SYT1: variants seen among roughly 807,000 people sequenced by gnomAD.
SYT1 encodes synaptotagmin-1.
A neutral mutation model predicts 44.8 loss-of-function variants in SYT1; 8 were observed. The ratio of observed to expected loss-of-function variants is 0.18; its 90% CI spans 0.10 to 0.32. SYT1 has a LOEUF of 0.32. Ranked by LOEUF, SYT1 falls within the 10% of genes least tolerant of loss-of-function variation. The pLI, the probability that SYT1 is intolerant of heterozygous loss-of-function variation, is 1.00. For missense variants in SYT1, 286 were observed against 509.3 expected (o/e 0.56, Z 4.22); for synonymous variants, 154 against 188.8 (o/e 0.82, Z 1.51).
chr12:79,094,258 TCA>T (rs1274648192), intron 3 of SYT1, among the ~76,000 whole-genome samples: 2 of 151,812 alleles, frequency 1.3e-5, no homozygotes, highest in Non-Finnish European at 2.9e-5. Flanking sequence ...AAGTTTTATC[TCA>T]CTTACATCTA....
chr12:79,195,482 A>G (rs1227759713), intron 3 of SYT1, among the ~76,000 whole-genome samples: 2 of 148,582 alleles, frequency 1.3e-5, no homozygotes, highest in African/African-American at 5.0e-5. Flanking sequence ...GCACAATCAT[A>G]TATTTGAAAA....
At chr12:79,367,312 C>G (rs544261547) in intron 9 of SYT1, among the ~76,000 whole-genome samples, 29 of 152,216 alleles carry the variant, frequency 1.9e-4, no homozygotes, top group South Asian at 1.5e-3. Context: ...TAAAATGAAC[C>G]ACCGCAAGTT....
intron 4 of SYT1, among the ~76,000 whole-genome samples, chr12:79,263,536 A>G (rs1193975925): frequency 1.3e-5 from 2 of 152,014 alleles, no homozygotes; most frequent in East Asian, 1.9e-4. Context: ...AAAAATTTTG[A>G]TTTAAGAAGC....
chr12:78,940,824 CAGT>C (rs1227358906), intron 1 of SYT1, among the ~76,000 whole-genome samples: 1 of 152,048 alleles, frequency 6.6e-6, no homozygotes, highest in African/African-American at 2.4e-5. Context: ...TTTTGTAAAT[CAGT>C]AGAATTCAAC....
rs1160883688 is a variant in SYT1, at chr12:78,966,108, G to A, written c.-216-11691G>A. 4.6e-5 allele frequency among the ~76,000 whole-genome samples: 7 copies of A among 150,992 alleles called. No individual in the cohort carries two copies. The East Asian group carries it at 7.8e-4, about 17-fold the overall frequency. ...AAAAAAAAAAAATTATTGAATAAAC[G>A]AATATAATTGACTTTTATTAATTCA... On this transcript the variant is annotated intron_variant, in intron 1 of 10. Transcript: ENST00000261205.
At chr12:79,394,305 G>T (rs1248443149) in intron 9 of SYT1, among the ~76,000 whole-genome samples, 1 of 152,206 alleles carries the variant, frequency 6.6e-6, no homozygotes, top group East Asian at 1.9e-4. Flanking sequence ...TACCAAAGCA[G>T]TTGTTAAAAT....
chr12:79,399,062 A>G (rs1472432175), intron 9 of SYT1, among the ~76,000 whole-genome samples: 1 of 152,358 alleles, frequency 6.6e-6, no homozygotes, highest in East Asian at 1.9e-4. Flanking sequence ...GACAACATTA[A>G]TACATAGTCC....
chr12:79,350,246 CT>C (rs1166413638), intron 8 of SYT1, among the ~76,000 whole-genome samples: 2,589 of 97,566 alleles, frequency 0.027, 10 homozygotes, highest in Middle Eastern at 0.047. Flanking sequence ...GATGCATATT[CT>C]TTTTTTTTTT....
chr12:79,374,056 G>A (rs1286192113), intron 9 of SYT1, among the ~76,000 whole-genome samples: 3 of 152,046 alleles, frequency 2.0e-5, no homozygotes. Flanking sequence ...TAAAGTGCAG[G>A]CCCCTCTGGC....
chr12:79,258,805 G>A (rs1333715322), intron 4 of SYT1, among the ~76,000 whole-genome samples: 1 of 151,932 alleles, frequency 6.6e-6, no homozygotes, highest in Non-Finnish European at 1.5e-5. Flanking sequence ...ACTGAGTGTG[G>A]GTAAATAAAT....
At chr12:79,237,137 T>C (rs1876236113) in intron 4 of SYT1, among the ~76,000 whole-genome samples, 1 of 152,170 alleles carries the variant, frequency 6.6e-6, no homozygotes, top group South Asian at 2.1e-4. Context: ...AAAGCGCAGA[T>C]GTGACAGACT....
chr12:79,237,265 T>C (rs1006844295), intron 4 of SYT1, among the ~76,000 whole-genome samples: 4 of 152,194 alleles, frequency 2.6e-5, no homozygotes, highest in Admixed American at 6.5e-5. Flanking sequence ...CCTGTAGGGA[T>C]TGGACAATAC....
chr12:79,179,066 A>G (rs1367920128), intron 3 of SYT1, among the ~76,000 whole-genome samples: 5 of 118,676 alleles, frequency 4.2e-5, no homozygotes, highest in South Asian at 2.5e-4. Flanking sequence ...ATATAGATAT[A>G]GATATATAGA....
intron 1 of SYT1, among the ~76,000 whole-genome samples, chr12:78,951,065 C>T (rs764442109): frequency 2.0e-5 from 3 of 152,096 alleles, no homozygotes. Context: ...TGAGGCAATC[C>T]TCTACATAAA....
chr12:79,047,173 T>C (rs950854316), intron 2 of SYT1, 124 bp from the exon 3 acceptor site: 2 of 151,624 alleles, frequency 1.3e-5, no homozygotes, highest in Non-Finnish European at 3.0e-5. Context: ...ACATTATTTT[T>C]ATTGGAATAT....
chr12:79,415,056 C>T, intron 9 of SYT1, among the ~76,000 whole-genome samples: 1 of 152,064 alleles, frequency 6.6e-6, no homozygotes, highest in Middle Eastern at 3.4e-3. Flanking sequence ...TATATATTTT[C>T]CATTTTATTT....
In SYT1 at chr12:79,296,425, G is replaced by A. The variant is rs78535501; in HGVS notation, c.642+189G>A. On this transcript the variant is annotated intron_variant, in intron 7 of 10. Coordinates refer to ENST00000261205, the MANE Select transcript of SYT1 (RefSeq NM_005639.3). ...GATATTGCCTTTCAGCGTGTTCAGAGTAGGATTCGGTTCAGTCATTTCAGA... is the reference window on the plus strand; with the variant it reads ...GATATTGCCTTTCAGCGTGTTCAGAATAGGATTCGGTTCAGTCATTTCAGA... 7.5e-3 allele frequency among the ~76,000 whole-genome samples: 1,147 copies of A among 152,280 alleles called. 16 individuals carry two copies. The highest frequency in any genetic ancestry group is 0.026 in the African/African-American group (1,088 of 41,556).
intron 8 of SYT1, among the ~76,000 whole-genome samples, chr12:79,347,812 G>C (rs73354714): frequency 2.8e-4 from 42 of 152,058 alleles, no homozygotes; most frequent in African/African-American, 1.0e-3. Context: ...AATGACGGGT[G>C]CTAAGACAAA....
At chr12:79,182,797 T>C (rs1375544052) in intron 3 of SYT1, among the ~76,000 whole-genome samples, 1 of 152,126 alleles carries the variant, frequency 6.6e-6, no homozygotes, top group Non-Finnish European at 1.5e-5. Context: ...TAAACTGTGC[T>C]TAGTTACTTC....
Sources: allele counts gnomAD v4.1 joint callset (sites outside exome capture counted in the v4.1 genomes callset), GRCh38; gene constraint gnomAD v4.1.1; transcripts MANE v1.5; gene names NCBI Gene and HGNC (gene_info 2026-07-23, HGNC 2026-07-21).